GPC3: variants seen among roughly 807,000 people sequenced by gnomAD.
GPC3 encodes the protein glypican 3.
A neutral mutation model predicts 34.4 loss-of-function variants in GPC3; 3 were observed. The observed-to-expected ratio is 0.09, with a 90% CI of 0.04 to 0.23. The LOEUF (loss-of-function observed/expected upper bound fraction) is 0.23. Ranked by LOEUF, GPC3 falls within the 10% of genes least tolerant of loss-of-function variation. The pLI is 1.00. For missense variants in GPC3, 351 were observed against 445.6 expected (o/e 0.79, Z 1.91); for synonymous variants, 177 against 174.0 (o/e 1.02, Z -0.13).
At chrX:133,708,443 C>A (rs867742926) in intron 3 of GPC3, among the ~76,000 whole-genome samples, 1 of 111,430 alleles carries the variant, frequency 9.0e-6, no homozygotes, top group Non-Finnish European at 1.9e-5. Context: ...TTCTTCAGAA[C>A]CTTTATCATT....
chrX:133,588,720 T>A (rs115162201), intron 7 of GPC3, among the ~76,000 whole-genome samples: 5,652 of 110,250 alleles, frequency 0.051, 403 homozygotes, highest in African/African-American at 0.18. Flanking sequence ...CCAGTAAAAA[T>A]AAATAAATAA....
intron 2 of GPC3, among the ~76,000 whole-genome samples, chrX:133,870,918 GC>G (rs901801448): frequency 3.8e-4 from 42 of 111,677 alleles, no homozygotes; most frequent in African/African-American, 1.2e-3. Flanking sequence ...CAATCTCTCT[GC>G]CTTCCACATG....
At chrX:133,980,285 A>G (rs1431249921) in intron 1 of GPC3, among the ~76,000 whole-genome samples, 1 of 112,334 alleles carries the variant, frequency 8.9e-6, no homozygotes, top group Non-Finnish European at 1.9e-5. Context: ...AAATATATGT[A>G]GGCTGAAAAG....
intron 2 of GPC3, among the ~76,000 whole-genome samples, chrX:133,820,744 G>C (rs1331272455): frequency 8.9e-6 from 1 of 111,890 alleles, no homozygotes; most frequent in East Asian, 2.8e-4. Context: ...TTCACAGAAA[G>C]AATACACTAA....
At chrX:133,790,072 A>C (rs1054121608) in intron 2 of GPC3, among the ~76,000 whole-genome samples, 1 of 111,816 alleles carries the variant, frequency 8.9e-6, no homozygotes, top group African/African-American at 3.3e-5. Context: ...TTAGTTGTTA[A>C]CTGATAAATG....
intron 2 of GPC3, among the ~76,000 whole-genome samples, chrX:133,918,920 C>T (rs1422135929): frequency 8.9e-6 from 1 of 111,752 alleles, no homozygotes; most frequent in Non-Finnish European, 1.9e-5. Flanking sequence ...CTGTGAAGGG[C>T]GACAGAAGCG....
intron 2 of GPC3, among the ~76,000 whole-genome samples, chrX:133,764,204 A>C (rs1366577448): frequency 1.8e-5 from 2 of 111,948 alleles, no homozygotes; most frequent in African/African-American, 6.5e-5. Flanking sequence ...CTCAATTATA[A>C]GTGGGAGCTA....
chrX:133,943,031 G>A (rs188375144), intron 2 of GPC3, among the ~76,000 whole-genome samples: 151 of 111,612 alleles, frequency 1.4e-3, no homozygotes, highest in African/African-American at 4.3e-3. Flanking sequence ...CTACACCCAC[G>A]TCAAATCCCA....
chrX:133,682,694 C>T (rs961281918), intron 5 of GPC3, among the ~76,000 whole-genome samples: 5 of 111,515 alleles, frequency 4.5e-5, no homozygotes, highest in Admixed American at 9.5e-5. Context: ...GGGCCGGGCG[C>T]GGTGGCTCAC....
intron 6 of GPC3, among the ~76,000 whole-genome samples, chrX:133,630,324 T>G (rs1239136327): frequency 8.9e-6 from 1 of 111,895 alleles, no homozygotes; most frequent in Non-Finnish European, 1.9e-5. Flanking sequence ...CTAGAGGAAA[T>G]GCTTGGCTTT....
At chrX:133,955,423 T>G (rs1331639513) in intron 1 of GPC3, among the ~76,000 whole-genome samples, 2 of 111,164 alleles carry the variant, frequency 1.8e-5, no homozygotes, top group Admixed American at 9.6e-5. Context: ...CCGGCCTCCT[T>G]CAGCTCCCTC....
At chrX:133,679,601 A>T (rs1274035638) in intron 5 of GPC3, among the ~76,000 whole-genome samples, 1 of 111,293 alleles carries the variant, frequency 9.0e-6, no homozygotes, top group Non-Finnish European at 1.9e-5. Flanking sequence ...AGGCACAGCT[A>T]AGCAATGAGG....
intron 1 of GPC3, among the ~76,000 whole-genome samples, chrX:133,961,848 C>A (rs5977932): frequency 0.015 from 1,672 of 112,030 alleles, 30 homozygotes; most frequent in African/African-American, 0.051. Context: ...CATCACCTCA[C>A]CTTCTTTCAC....
chrX:133,788,628 C>CTA (rs2072130954), intron 2 of GPC3, among the ~76,000 whole-genome samples: 1 of 109,183 alleles, frequency 9.2e-6, no homozygotes, highest in South Asian at 4.1e-4. Context: ...CTACCATCAG[C>CTA]TATATATATG....
intron 7 of GPC3, among the ~76,000 whole-genome samples, chrX:133,587,488 T>A (rs2069801504): frequency 9.0e-6 from 1 of 111,718 alleles, no homozygotes; most frequent in Non-Finnish European, 1.9e-5. Flanking sequence ...GATCATATGG[T>A]AGTTCTATTT....
rs148281915 is a variant in GPC3, at chrX:133,793,356, G to C, written c.338-39180C>G. Among the ~76,000 whole-genome samples, 25 of 111,942 alleles carry C rather than the reference G, an allele frequency of 2.2e-4. No homozygotes were observed. The East Asian group carries it at 5.9e-3, about 26-fold the overall frequency. ...ATATAATTTGTATTAAGAAATATAA[G>C]GGCTTAATGAATATCCAAAAACATT... is the stretch of plus-strand genomic sequence containing the variant. On this transcript the variant is annotated intron_variant, in intron 2 of 7. Coordinates refer to ENST00000370818, the MANE Select transcript of GPC3 (RefSeq NM_004484.4).
intron 3 of GPC3, among the ~76,000 whole-genome samples, chrX:133,749,387 G>A (rs2071639755): frequency 8.9e-6 from 1 of 111,977 alleles, no homozygotes; most frequent in African/African-American, 3.2e-5. Flanking sequence ...TTGTGATGAT[G>A]AGCCGAGTTT....
In GPC3 at chrX:133,922,312, C is replaced by T. The variant is rs73241309; in HGVS notation, c.337+30738G>A. ...TTCCCAAAATGGCACTGTGGAAGAC[C>T]TTGTGTGTCCAACTTACAAAGTGTG... is the stretch of plus-strand genomic sequence containing the variant. On this transcript the variant is annotated intron_variant, in intron 2 of 7. Transcript: ENST00000370818. Among the ~76,000 whole-genome samples, 317 of 112,081 alleles carry T rather than the reference C, an allele frequency of 2.8e-3. 1 individual carries two copies. The highest frequency in any genetic ancestry group is 5.1e-3 in the Non-Finnish European group (269 of 53,162).
intron 7 of GPC3, among the ~76,000 whole-genome samples, chrX:133,572,921 T>C (rs1010602424): frequency 8.9e-6 from 1 of 111,884 alleles, no homozygotes; most frequent in African/African-American, 3.2e-5. Context: ...CCAGCATTAC[T>C]GTGATACCAA....
Sources: allele counts gnomAD v4.1 joint callset (sites outside exome capture counted in the v4.1 genomes callset), GRCh38; gene constraint gnomAD v4.1.1; transcripts MANE v1.5; gene names NCBI Gene and HGNC (gene_info 2026-07-23, HGNC 2026-07-21).